Variants in LUZP1 observed in about 807,000 individuals in gnomAD.
LUZP1 encodes the protein leucine zipper protein 1.
A neutral mutation model predicts 71.3 loss-of-function variants in LUZP1; 25 were observed. The ratio of observed to expected loss-of-function variants is 0.35; its 90% CI spans 0.26 to 0.49. The LOEUF is 0.49. Ranked by LOEUF, LUZP1 falls within the 20% of genes least tolerant of loss-of-function variation. LUZP1 has a pLI of 0.99. For synonymous variants in LUZP1, 481 were observed against 506.4 expected, an observed-to-expected ratio of 0.95 and a Z score of 0.67; for missense variants, 1,142 against 1,300.8, an observed-to-expected ratio of 0.88 and a Z score of 1.88.
chr1:23,133,286 G>C (rs940051576), intron 2 of LUZP1, among the ~76,000 whole-genome samples: 1 of 152,096 alleles, frequency 6.6e-6, no homozygotes, highest in African/African-American at 2.4e-5. Flanking sequence ...TTATTACTTA[G>C]GCAGATATTA....
intron 2 of LUZP1, among the ~76,000 whole-genome samples, chr1:23,151,416 T>C (rs1194193527): frequency 1.3e-5 from 2 of 152,172 alleles, no homozygotes; most frequent in Non-Finnish European, 2.9e-5. Flanking sequence ...CAGTTAATAT[T>C]TAGTTAGCAC....
At position 23,139,655 on chromosome 1, in the gene LUZP1, G is replaced by GA. The variant is rs145360789; in HGVS notation, c.-226+29110dup. On this transcript the variant is annotated intron_variant, in intron 2 of 4. Transcript: ENST00000302291. ...ACAAGTATATAATACATACAACACA[G>GA]AAAATATGTGGGTCTAATATAGTGG... Among the ~76,000 whole-genome samples the GA allele has an allele frequency of 2.0e-3, 309 of 152,228 alleles. 6 individuals carry two copies. The East Asian group carries it at 0.046, about 23-fold the overall frequency.
intron 2 of LUZP1, among the ~76,000 whole-genome samples, chr1:23,124,956 C>G (rs1017008996): frequency 6.6e-6 from 1 of 152,076 alleles, no homozygotes; most frequent in Non-Finnish European, 1.5e-5. Context: ...AGGCAAGGTA[C>G]GAAAGTGTTG....
At chr1:23,166,900 T>G (rs1277523991) in intron 2 of LUZP1, among the ~76,000 whole-genome samples, 1 of 152,202 alleles carries the variant, frequency 6.6e-6, no homozygotes, top group African/African-American at 2.4e-5. Flanking sequence ...TGCTGCCTTC[T>G]TCATACTCCA....
intron 2 of LUZP1, chr1:23,162,752 G>A (rs1417789346): frequency 6.6e-6 from 1 of 152,230 alleles, no homozygotes; most frequent in Non-Finnish European, 1.5e-5. Flanking sequence ...GTACAGGGAA[G>A]ATTAGTATGT....
At chr1:23,133,298 G>A (rs1569634635) in intron 2 of LUZP1, among the ~76,000 whole-genome samples, 1 of 152,116 alleles carries the variant, frequency 6.6e-6, no homozygotes, top group Admixed American at 6.6e-5. Flanking sequence ...CAGATATTAA[G>A]AACTATAATC....
chr1:23,155,589 A>G (rs566971483), intron 2 of LUZP1, among the ~76,000 whole-genome samples: 2 of 152,360 alleles, frequency 1.3e-5, no homozygotes, highest in Admixed American at 6.5e-5. Flanking sequence ...TAGCTGTCAT[A>G]TAGAAGTCAG....
At chr1:23,148,482 A>G (rs1644359476) in intron 2 of LUZP1, among the ~76,000 whole-genome samples, 1 of 152,172 alleles carries the variant, frequency 6.6e-6, no homozygotes, top group African/African-American at 2.4e-5. Context: ...ATCTCATGCT[A>G]CTTCTTCCCA....
At chr1:23,175,117 G>A (rs1644575024) in intron 1 of LUZP1, among the ~76,000 whole-genome samples, 1 of 152,010 alleles carries the variant, frequency 6.6e-6, no homozygotes, top group Non-Finnish European at 1.5e-5. Flanking sequence ...CTTGCAGACT[G>A]GGAAAACAAG....
chr1:23,113,092 A>G (rs1012176176), intron 2 of LUZP1, among the ~76,000 whole-genome samples: 8 of 152,370 alleles, frequency 5.3e-5, no homozygotes, highest in African/African-American at 9.6e-5. Flanking sequence ...TCCAAATTAC[A>G]TAAAGAACTA....
At position 23,129,479 on chromosome 1, in the gene LUZP1, G is replaced by A. The variant is rs60954340; in HGVS notation, c.-225-20352C>T. Among the ~76,000 whole-genome samples, 716 of 152,298 alleles carry A rather than the reference G, an allele frequency of 4.7e-3. 4 individuals carry two copies. The highest frequency in any genetic ancestry group is 0.017 in the African/African-American group (691 of 41,560). ...GCCTGTAATCCCAGCTACTTGGGAG[G>A]CTGAGGCAGGAGAATTGCTTGAACC... On this transcript the variant is annotated intron_variant, in intron 2 of 4. Coordinates refer to ENST00000302291, the Ensembl canonical transcript of LUZP1.
At position 23,093,040 on chromosome 1, in the gene LUZP1, C is replaced by T; in HGVS notation, c.1222G>A (p.Ala408Thr). ...AGAGAATAGTTTTCATTGTTGAGAG[C>T]AAACTCCCTGTTCCGGAGTCGTTCC... The change falls in exon 4 of 5, where the codon GCT becomes ACT. Residue 408 changes from alanine to threonine, a missense_variant. By Grantham distance (58) the Ala-to-Thr change is moderately conservative (BLOSUM62 0). Transcript: ENST00000302291. This position sits in a 1 kb window ranked among gnomAD's most constrained non-coding sequence, Gnocchi z 4.2. 1 of 1,614,144 alleles carries T rather than the reference C, an allele frequency of 6.2e-7. No individual in the cohort carries two copies. Among genetic ancestry groups the T allele is most frequent in the Non-Finnish European group, 8.5e-7 (1 of 1,180,018 alleles).
intron 2 of LUZP1, among the ~76,000 whole-genome samples, chr1:23,143,093 C>G (rs1644317924): frequency 6.6e-6 from 1 of 152,074 alleles, no homozygotes; most frequent in Non-Finnish European, 1.5e-5. Context: ...AGTGCAACCT[C>G]CATCTCCTGG....
intron 2 of LUZP1, among the ~76,000 whole-genome samples, chr1:23,155,863 A>T (rs1644417473): frequency 6.6e-6 from 1 of 152,164 alleles, no homozygotes; most frequent in Non-Finnish European, 1.5e-5. Context: ...AAATGGCCTA[A>T]ATCAGATAAA....
chr1:23,129,536 A>G (rs1256502773), intron 2 of LUZP1, among the ~76,000 whole-genome samples: 4 of 152,202 alleles, frequency 2.6e-5, no homozygotes, highest in African/African-American at 9.7e-5. Flanking sequence ...AACCAAGATC[A>G]TGCCACTGCA....
chr1:23,139,019 A>ATATATAT (rs1553140198), intron 2 of LUZP1, among the ~76,000 whole-genome samples: 4 of 59,954 alleles, frequency 6.7e-5, no homozygotes, highest in Admixed American at 2.7e-4. Flanking sequence ...AAAAAAAAAA[A>ATATATAT]ATATATATAT....
At chr1:23,097,328 G>A (rs1193611793) in intron 3 of LUZP1, among the ~76,000 whole-genome samples, 1 of 152,118 alleles carries the variant, frequency 6.6e-6, no homozygotes, top group Non-Finnish European at 1.5e-5. Flanking sequence ...TTAAGTAGGT[G>A]GCAAGTAGAA....
At chr1:23,108,000 C>A (rs1643997382) in intron 3 of LUZP1, among the ~76,000 whole-genome samples, 1 of 152,204 alleles carries the variant, frequency 6.6e-6, no homozygotes, top group African/African-American at 2.4e-5. Context: ...TCATTCTGAG[C>A]TACCCTATTG....
chr1:23,113,750 C>A (rs903404317), intron 2 of LUZP1, among the ~76,000 whole-genome samples: 2 of 151,800 alleles, frequency 1.3e-5, no homozygotes, highest in East Asian at 3.9e-4. Flanking sequence ...TGTTGTGGCG[C>A]GCGCCTGTAG....
Sources: gnomAD v4.1 joint callset for allele counts (sites outside exome capture counted in the v4.1 genomes callset) on GRCh38, gnomAD v4.1.1 for gene constraint, Gnocchi (gnomAD v3.1) non-coding constraint, MANE v1.5 for transcripts, NCBI Gene and HGNC (gene_info 2026-07-23, HGNC 2026-07-21) for gene names.